NPHP4: variants seen among roughly 807,000 people sequenced by gnomAD.
The protein encoded by NPHP4 is nephrocystin-4.
In NPHP4, 151 loss-of-function variants were observed where a neutral mutation model predicts 155.8. That is an observed-to-expected ratio of 0.97 (90% CI 0.85 to 1.11). NPHP4 has a LOEUF of 1.11. Ranked by LOEUF, NPHP4 falls within the 50% of genes least tolerant of loss-of-function variation. NPHP4 has a pLI of 0.00. For synonymous variants in NPHP4, 845 were observed against 816.8 expected, an observed-to-expected ratio of 1.03 and a Z score of -0.59; for missense variants, 1,956 against 1,925.7, an observed-to-expected ratio of 1.02 and a Z score of -0.29.
intron 23 of NPHP4, among the ~76,000 whole-genome samples, chr1:5,869,241 A>ATGCACCCACATG (rs1553154603): frequency 9.3e-6 from 1 of 108,048 alleles, no homozygotes; most frequent in Admixed American, 1.0e-4. Flanking sequence ...ATGCACACAC[A>ATGCACCCACATG]CACACACACA....
intron 20 of NPHP4, chr1:5,876,058 T>G (rs1319679524): frequency 6.6e-6 from 1 of 152,154 alleles, no homozygotes; most frequent in African/African-American, 2.4e-5. Flanking sequence ...TTTTCAGGAG[T>G]GGAACCTCTG....
chr1:5,908,603 G>C lies in NPHP4; in HGVS notation c.1503+549C>G, dbSNP rs111902685. Among the ~76,000 whole-genome samples the C allele has an allele frequency of 5.0e-3, 755 of 152,234 alleles. 2 individuals carry two copies. The highest frequency in any genetic ancestry group is 7.9e-3 in the Non-Finnish European group (539 of 68,004). On this transcript the variant is annotated intron_variant, in intron 12 of 29. Coordinates refer to ENST00000378156, the MANE Select transcript of NPHP4 (RefSeq NM_015102.5). Reference sequence around the variant, plus strand: ...TCAGCTCAGACCGCTGGCGGGCAACGGCCCAGCGGGAAGGCGCCTCTCCTC... The same window carrying C: ...TCAGCTCAGACCGCTGGCGGGCAACCGCCCAGCGGGAAGGCGCCTCTCCTC...
intron 6 of NPHP4, among the ~76,000 whole-genome samples, 152 bp downstream of exon 6, chr1:5,961,642 T>C (rs1407339964): frequency 1.3e-5 from 2 of 152,182 alleles, no homozygotes; most frequent in Non-Finnish European, 2.9e-5. Context: ...CCTCCTCCAC[T>C]GTCCCCCACA....
At chr1:5,975,578 A>G (rs1653405931) in intron 3 of NPHP4, among the ~76,000 whole-genome samples, 1 of 152,210 alleles carries the variant, frequency 6.6e-6, no homozygotes, top group African/African-American at 2.4e-5. Flanking sequence ...CCTCAACAGG[A>G]GACGCACCCA....
chr1:5,905,190 C>T lies in NPHP4; in HGVS notation c.1955+102G>A, dbSNP rs930016262. 1.5e-5 allele frequency: 14 copies of T among 950,628 alleles called. No homozygotes were observed. The African/African-American group carries it at 1.8e-4, about 12-fold the overall frequency. The allele number at this position is 950,628 out of a possible 1,614,324, so 58.9% of individuals were successfully genotyped here. ...GATGGCACTCCCGAATCTACTAAGA[C>T]CTCAGCACAGACAGTTCTGCCAGGT... On this transcript the variant is annotated intron_variant, in intron 15 of 29. Coordinates refer to ENST00000378156, the MANE Select transcript of NPHP4 (RefSeq NM_015102.5). This position sits in a 1 kb window ranked among gnomAD's most constrained non-coding sequence, Gnocchi z 4.0.
chr1:5,864,263 G>A, intron 28 of NPHP4, 75 bp downstream of exon 28: 1 of 1,410,108 alleles, frequency 7.1e-7, no homozygotes, highest in African/African-American at 1.4e-5. Context: ...GAGTCACAGG[G>A]CCGAGGTGGG....
At chr1:5,951,617 T>C (rs1255695490) in intron 7 of NPHP4, among the ~76,000 whole-genome samples, 1 of 152,220 alleles carries the variant, frequency 6.6e-6, no homozygotes, top group Non-Finnish European at 1.5e-5. Context: ...CTGTTCCCCC[T>C]GCTGCTGGCG....
intron 1 of NPHP4, among the ~76,000 whole-genome samples, chr1:5,988,802 C>T (rs1384311098): frequency 2.0e-5 from 3 of 151,988 alleles, no homozygotes; most frequent in Non-Finnish European, 4.4e-5. Context: ...ATCCTTGGCC[C>T]AGGGTCCCGC....
At chr1:5,965,832 T>C (rs2102209815) in intron 5 of NPHP4, among the ~76,000 whole-genome samples, 1 of 152,228 alleles carries the variant, frequency 6.6e-6, no homozygotes, top group East Asian at 1.9e-4. Flanking sequence ...GGCTTTCGTG[T>C]CCCCTGCTTC....
intron 5 of NPHP4, among the ~76,000 whole-genome samples, chr1:5,962,958 C>G (rs1650634106): frequency 6.6e-6 from 1 of 152,224 alleles, no homozygotes; most frequent in Non-Finnish European, 1.5e-5. Flanking sequence ...TCCACCACAT[C>G]CCGAGGCACA....
At chr1:5,901,870 G>A (rs1184876228) in intron 16 of NPHP4, among the ~76,000 whole-genome samples, 1 of 152,182 alleles carries the variant, frequency 6.6e-6, no homozygotes, top group African/African-American at 2.4e-5. Flanking sequence ...AAGGCCTCAG[G>A]AGGACTGAAA....
chr1:5,894,841 G>C (rs1644312623), intron 16 of NPHP4, among the ~76,000 whole-genome samples: 1 of 152,192 alleles, frequency 6.6e-6, no homozygotes, highest in East Asian at 1.9e-4. Context: ...ACACACAGTA[G>C]AAATGAACAG....
chr1:5,891,552 A>G (rs1644128696), intron 16 of NPHP4, among the ~76,000 whole-genome samples: 1 of 152,250 alleles, frequency 6.6e-6, no homozygotes, highest in African/African-American at 2.4e-5. Flanking sequence ...CCTGGTCATC[A>G]GGCTAAGAGA....
chr1:5,962,749 ACT>A (rs1169676433), intron 5 of NPHP4, among the ~76,000 whole-genome samples: 2 of 152,144 alleles, frequency 1.3e-5, no homozygotes, highest in East Asian at 1.9e-4. Flanking sequence ...TGAAGGAAAG[ACT>A]CTGGAGAAAT....
intron 6 of NPHP4, among the ~76,000 whole-genome samples, chr1:5,959,483 C>T (rs1649903153): frequency 6.6e-6 from 1 of 152,194 alleles, no homozygotes; most frequent in African/African-American, 2.4e-5. Flanking sequence ...CCTCTTGGGG[C>T]ACCACGGCTT....
chr1:5,964,224 G>A (rs999093944), intron 5 of NPHP4, among the ~76,000 whole-genome samples: 4 of 152,212 alleles, frequency 2.6e-5, no homozygotes, highest in Non-Finnish European at 4.4e-5. Context: ...TTCTGTGTCC[G>A]TAAAACGACC....
At chr1:5,927,563 G>T (rs562398102) in intron 11 of NPHP4, 86 bp downstream of exon 11, 10 of 1,380,638 alleles carry the variant, frequency 7.2e-6, no homozygotes, top group Non-Finnish European at 6.0e-6. Flanking sequence ...GGTGATTACC[G>T]TACTAGACTA....
At chr1:5,964,941 A>ATATTTATTTTTTTT in intron 5 of NPHP4, among the ~76,000 whole-genome samples, 1 of 59,428 alleles carries the variant, frequency 1.7e-5, no homozygotes, top group African/African-American at 8.5e-5. Flanking sequence ...ATATATATAT[A>ATATTTATTTTTTTT]TTTTTTTTTT....
chr1:5,922,423 C>A (rs906180246), intron 11 of NPHP4, among the ~76,000 whole-genome samples: 3 of 152,222 alleles, frequency 2.0e-5, no homozygotes, highest in African/African-American at 7.2e-5. Flanking sequence ...ATCTATTTAT[C>A]TCTCTCTGTA....
Sources: allele counts gnomAD v4.1 joint callset (sites outside exome capture counted in the v4.1 genomes callset), GRCh38; gene constraint gnomAD v4.1.1; non-coding constraint Gnocchi (gnomAD v3.1); transcripts MANE v1.5; gene names NCBI Gene and HGNC (gene_info 2026-07-23, HGNC 2026-07-21).